Variants in PRKG2 observed in about 807,000 individuals in gnomAD.
PRKG2 encodes cGMP-dependent protein kinase 2.
PRKG2 carries 33 observed loss-of-function variants against 97.2 expected under a neutral mutation model. The observed-to-expected ratio is 0.34, with a 90% CI of 0.26 to 0.45. PRKG2 has a LOEUF of 0.45. PRKG2 is among the 20% of genes least tolerant of loss of function. The pLI is 1.00. For synonymous variants in PRKG2, 330 were observed against 321.8 expected (o/e 1.03, Z -0.27); for missense variants, 638 against 900.0 (o/e 0.71, Z 3.73).
At chr4:81,203,020 T>C (rs1295349470) in intron 2 of PRKG2, among the ~76,000 whole-genome samples, 1 of 151,884 alleles carries the variant, frequency 6.6e-6, no homozygotes, top group East Asian at 1.9e-4. Flanking sequence ...AAATAATAGA[T>C]TATACTTACG....
chr4:81,126,837 G>T (rs1378407160), intron 14 of PRKG2, among the ~76,000 whole-genome samples: 5 of 152,112 alleles, frequency 3.3e-5, no homozygotes, highest in Admixed American at 3.3e-4. Context: ...TCACTCTGAT[G>T]ACAGTTTGTT....
chr4:81,217,040 T>TAC (rs1560637084), upstream of PRKG2, among the ~76,000 whole-genome samples: 2 of 140,092 alleles, frequency 1.4e-5, no homozygotes, highest in Admixed American at 7.0e-5. Flanking sequence ...TGTATATATA[T>TAC]ATATATATAT....
At chr4:81,190,988 G>A (rs1426236257) in intron 2 of PRKG2, among the ~76,000 whole-genome samples, 1 of 152,150 alleles carries the variant, frequency 6.6e-6, no homozygotes, top group Non-Finnish European at 1.5e-5. Context: ...GTTGGTGGGA[G>A]TGTAAATTAA....
chr4:81,194,276 T>C (rs560670771), intron 2 of PRKG2, among the ~76,000 whole-genome samples: 13 of 152,242 alleles, frequency 8.5e-5, no homozygotes, highest in African/African-American at 2.6e-4. Context: ...TTAAAAATTA[T>C]GGGTACAGGG....
intron 6 of PRKG2, among the ~76,000 whole-genome samples, chr4:81,164,167 T>C (rs934961875): frequency 3.3e-5 from 5 of 152,134 alleles, no homozygotes; most frequent in African/African-American, 7.2e-5. Flanking sequence ...GCCAATCATA[T>C]AGAATTCTAT....
chr4:81,114,408 T>C (rs1744293039), intron 14 of PRKG2, among the ~76,000 whole-genome samples: 1 of 152,110 alleles, frequency 6.6e-6, no homozygotes, highest in African/African-American at 2.4e-5. Flanking sequence ...TCATGGATAC[T>C]TGTCTATAGT....
At chr4:81,161,670 G>A (rs529099579) in intron 6 of PRKG2, among the ~76,000 whole-genome samples, 1 of 152,236 alleles carries the variant, frequency 6.6e-6, no homozygotes, top group African/African-American at 2.4e-5. Flanking sequence ...TCCCTGCAGA[G>A]AGCCCCCTCC....
rs1317000168 is a variant in PRKG2 at position 81,204,642 on chromosome 4, G to C, written c.406C>G (p.Leu136Val). The C allele has an allele frequency of 1.9e-6, 3 of 1,614,058 alleles. No individual in the cohort carries two copies. In the African/African-American group the frequency reaches 4.0e-5, roughly 22 times the overall value. Residue 136 changes from leucine (L) to valine (V), a missense_variant, in exon 2 of 19, where the codon CTG becomes GTG. Physicochemically the swap from Leu to Val is conservative, Grantham distance 32. This residue lies in a region of PRKG2 where 332 missense variants were observed against 421.7 expected (regional missense o/e 0.79). Transcript: ENST00000264399. ...SAEPTTRTYD[L>V]NKPPEFSFEK... ...AAGGAAAATTCAGGGGGTTTGTTCA[G>C]GTCATAGGTCCGGGTTGTTGGCTCA...
chr4:81,166,590 T>C (rs1261880307), intron 6 of PRKG2, among the ~76,000 whole-genome samples: 1 of 152,120 alleles, frequency 6.6e-6, no homozygotes, highest in Non-Finnish European at 1.5e-5. Context: ...ACCATCTGGG[T>C]GATGCCTAAA....
At chr4:81,159,514 C>A (rs1325047656) in intron 6 of PRKG2, among the ~76,000 whole-genome samples, 1 of 152,020 alleles carries the variant, frequency 6.6e-6, no homozygotes, top group Non-Finnish European at 1.5e-5. Flanking sequence ...GTTGGTGGGA[C>A]TGTAAACTAG....
chr4:81,215,873 AC>A (rs559217661), upstream of PRKG2, among the ~76,000 whole-genome samples: 2 of 151,778 alleles, frequency 1.3e-5, no homozygotes, highest in South Asian at 4.2e-4. Flanking sequence ...CTCTCTCGTC[AC>A]CTTTTGAGTA....
At chr4:81,193,167 A>G (rs1212136360) in intron 2 of PRKG2, 1 of 152,214 alleles carries the variant, frequency 6.6e-6, no homozygotes, top group Non-Finnish European at 1.5e-5. Flanking sequence ...TTTTGTGAGC[A>G]TAAGAGGCAG....
intron 9 of PRKG2, among the ~76,000 whole-genome samples, chr4:81,144,614 T>A (rs1385472299): frequency 7.0e-6 from 1 of 142,880 alleles, no homozygotes; most frequent in Admixed American, 6.7e-5. Flanking sequence ...ATATATATTT[T>A]TTTTTTATTA....
intron 1 of PRKG2, among the ~76,000 whole-genome samples, chr4:81,209,464 A>G (rs887945266): frequency 6.6e-6 from 1 of 152,094 alleles, no homozygotes; most frequent in African/African-American, 2.4e-5. Flanking sequence ...AAGGTTATGG[A>G]TCCAGAGTCC....
At position 81,188,767 on chromosome 4, in the gene PRKG2, G is replaced by A. The variant is rs867360064; in HGVS notation, c.462-13808C>T. On this transcript the variant is annotated intron_variant, in intron 2 of 18. Transcript: ENST00000264399. ...AAACCATCATTCTCAGTAAACTATC[G>A]CAAGAACAAAAAACGAAACACCGCA... Among the ~76,000 whole-genome samples the A allele has an allele frequency of 2.8e-3, 304 of 109,800 alleles. 7 individuals carry two copies. The highest frequency in any genetic ancestry group is 7.7e-3 in the Middle Eastern group (2 of 260). 72.0% of individuals were successfully genotyped at this position (109,800 alleles called of 152,430 possible). A position where few individuals can be genotyped will look rare whatever the true frequency, so the allele number is the denominator to read the frequency against.
chr4:81,148,165 T>C (rs961194282), intron 9 of PRKG2, among the ~76,000 whole-genome samples: 3 of 152,196 alleles, frequency 2.0e-5, no homozygotes, highest in African/African-American at 7.2e-5. Flanking sequence ...TGTCATTTTA[T>C]AATCTTTGTT....
At chr4:81,167,031 C>A in intron 6 of PRKG2, 130 bp downstream of exon 6, 2 of 629,738 alleles carry the variant, frequency 3.2e-6, no homozygotes, top group Non-Finnish European at 5.2e-6. Context: ...AGATTTTTCA[C>A]CATAGAAAAA....
At chr4:81,155,092 G>A (rs1249730853) in intron 6 of PRKG2, among the ~76,000 whole-genome samples, 5 of 147,902 alleles carry the variant, frequency 3.4e-5, no homozygotes, top group Admixed American at 3.3e-4. Context: ...GCAGGAGAAT[G>A]GCGTGAACCC....
intron 17 of PRKG2, among the ~76,000 whole-genome samples, chr4:81,101,905 G>A (rs11933691): frequency 0.066 from 10,024 of 152,042 alleles, 1,130 homozygotes; most frequent in African/African-American, 0.23. Context: ...GAGAAGCTAC[G>A]CAGCTTAAAG....
Sources: allele counts gnomAD v4.1 joint callset (sites outside exome capture counted in the v4.1 genomes callset), GRCh38; gene constraint gnomAD v4.1.1; regional missense constraint gnomAD v4.1.1; transcripts MANE v1.5; gene names NCBI Gene and HGNC (gene_info 2026-07-23, HGNC 2026-07-21).